Variants in ULBP2 observed in about 807,000 individuals in gnomAD.
ULBP2 encodes the protein UL16 binding protein 2.
ULBP2 carries 21 observed loss-of-function variants against 23.6 expected under a neutral mutation model. The ratio of observed to expected loss-of-function variants is 0.89; its 90% CI spans 0.63 to 1.28. The LOEUF is 1.28. Ranked by LOEUF, ULBP2 falls within the 50% of genes most tolerant of loss-of-function variation. ULBP2 has a pLI of 0.00. For synonymous variants in ULBP2, 82 were observed against 112.8 expected, an observed-to-expected ratio of 0.73 and a Z score of 1.73; for missense variants, 251 against 306.0, an observed-to-expected ratio of 0.82 and a Z score of 1.34.
rs137857292 is a variant in ULBP2 at position 149,943,918 on chromosome 6, G to A, written c.86-1391G>A. Among the ~76,000 whole-genome samples, 726 of 152,030 alleles carry A rather than the reference G, an allele frequency of 4.8e-3. 15 individuals are homozygous for A. Among genetic ancestry groups the A allele is most frequent in the African/African-American group, 0.016 (654 of 41,308 alleles). The stretch of plus-strand genomic sequence containing the variant: ...GGGCACTTAAGGTAGGTCCAGCCTC[G>A]CTCATCATGCATGGATTGTCTATGG... On this transcript the variant is annotated intron_variant, in intron 1 of 4. Coordinates refer to ENST00000367351, the MANE Select transcript of ULBP2 (RefSeq NM_025217.4).
Position 149,948,799 on chromosome 6 carries a change from G to A in ULBP2, c.*99G>A, listed in dbSNP as rs372119526. The A allele has an allele frequency of 1.6e-4, 71 of 456,540 alleles. No individual in the cohort carries two copies. The highest frequency in any genetic ancestry group is 1.0e-3 in the South Asian group (67 of 64,566). The allele number at this position is 456,540 out of a possible 1,614,324, so 28.3% of individuals were successfully genotyped here. A position where few individuals can be genotyped will look rare whatever the true frequency, so the allele number is the denominator to read the frequency against. The stretch of plus-strand genomic sequence containing the variant: ...CCCTTCTGTCTGGCCAGCTGCCCAC[G>A]ACCTACGGTGTATGTCCAGTGGCCT... On this transcript the variant is annotated 3_prime_UTR_variant, in exon 5 of 5. Coordinates refer to ENST00000367351, the MANE Select transcript of ULBP2 (RefSeq NM_025217.4).
In ULBP2 at chr6:149,946,628, C is replaced by T. The variant is rs1778946555; in HGVS notation, c.606C>T (p.Asp202=). 1.2e-6 allele frequency: 2 copies of T among 1,614,114 alleles called. No homozygotes were observed. Among genetic ancestry groups the T allele is most frequent in the African/African-American group, 1.3e-5 (1 of 75,006 alleles). The change falls in exon 3 of 5, where the codon GAC becomes GAT. Residue 202 remains aspartate (D), a synonymous_variant. Transcript: ENST00000367351. ...GWLEDFLMGM[D]STLEPSAGAP... is the part of the protein sequence containing the mutation. ...TTGAGGACTTCTTGATGGGCATGGA[C>T]AGCACCCTGGAGCCAAGTGCAGGAG...
Position 149,942,029 on chromosome 6 carries a change from T to C in ULBP2, c.-44T>C. ...CCTTGAGGTGATTCATCTTCCAGGC[T>C]CTCCTTCCATCAAGTCTCTCATCCC... is the stretch of plus-strand genomic sequence containing the variant. On this transcript the variant is annotated 5_prime_UTR_variant, in exon 1 of 5. Transcript: ENST00000367351. 6.3e-7 allele frequency: 1 copy of C among 1,590,898 alleles called. No individual in the cohort carries two copies. The highest frequency in any genetic ancestry group is 8.6e-7 in the Non-Finnish European group (1 of 1,167,240).
chr6:149,948,409 G>T (rs944345192), intron 4 of ULBP2, among the ~76,000 whole-genome samples: 1 of 152,146 alleles, frequency 6.6e-6, no homozygotes, highest in African/African-American at 2.4e-5. Context: ...CCCACCCCTT[G>T]CCTGTTTTAG....
At chr6:149,942,263 C>T in intron 1 of ULBP2, 106 bp downstream of exon 1, 1 of 1,208,146 alleles carries the variant, frequency 8.3e-7, no homozygotes, top group Non-Finnish European at 1.1e-6. Flanking sequence ...CGGGGGAGAT[C>T]TCCCCTAACT....
At chr6:149,945,814 G>A (rs1250332147) in intron 2 of ULBP2, among the ~76,000 whole-genome samples, 10 of 152,074 alleles carry the variant, frequency 6.6e-5, no homozygotes, top group Admixed American at 1.3e-4. Context: ...GGTGGCGCAT[G>A]CCTGTAATCC....
intron 1 of ULBP2, among the ~76,000 whole-genome samples, chr6:149,942,737 C>CGTCCT (rs1778882281): frequency 6.6e-6 from 1 of 152,140 alleles, no homozygotes; most frequent in African/African-American, 2.4e-5. Context: ...ACCCAGGTCA[C>CGTCCT]GTCCTCTTAC....
chr6:149,946,156 T>C (rs1255976425), intron 2 of ULBP2, among the ~76,000 whole-genome samples: 5 of 148,362 alleles, frequency 3.4e-5, no homozygotes, highest in African/African-American at 1.3e-4. Flanking sequence ...TGAGCCGAGA[T>C]CGCGCCACTG....
chr6:149,944,619 T>A (rs1778908083), intron 1 of ULBP2, among the ~76,000 whole-genome samples: 1 of 126,580 alleles, frequency 7.9e-6, no homozygotes, highest in Admixed American at 8.3e-5. Context: ...AGGTTTCCCA[T>A]AAGCACAGTG....
chr6:149,945,940 C>CAAAAAAAA (rs57354290), intron 2 of ULBP2, among the ~76,000 whole-genome samples: 1 of 72,732 alleles, frequency 1.4e-5, no homozygotes, highest in African/African-American at 6.0e-5. Flanking sequence ...GACTTTGTCT[C>CAAAAAAAA]AAAAAAAAAA....
At chr6:149,947,242 G>A (rs1234306093) in intron 3 of ULBP2, 78 bp from the exon 4 acceptor site, 8 of 1,563,318 alleles carry the variant, frequency 5.1e-6, no homozygotes, top group Non-Finnish European at 5.2e-6. Flanking sequence ...GGATGACCTA[G>A]GGTGGCAGGA....
intron 1 of ULBP2, among the ~76,000 whole-genome samples, chr6:149,942,424 G>A (rs1027540122): frequency 2.0e-5 from 3 of 152,274 alleles, no homozygotes; most frequent in Non-Finnish European, 4.4e-5. Flanking sequence ...AGCGAGGTGG[G>A]GCGGGGATCC....
chr6:149,943,235 T>C (rs1356110116), intron 1 of ULBP2, among the ~76,000 whole-genome samples: 2 of 150,730 alleles, frequency 1.3e-5, no homozygotes, highest in African/African-American at 5.0e-5. Flanking sequence ...AATGTCCCAG[T>C]GAATAGTGCC....
At chr6:149,942,286 A>G (rs1778875128) in intron 1 of ULBP2, 129 bp downstream of exon 1, 1 of 989,304 alleles carries the variant, frequency 1.0e-6, no homozygotes, top group Non-Finnish European at 1.4e-6. Context: ...GCCCCCGTTC[A>G]GTTCCGGTCG....
Position 149,946,588 on chromosome 6 carries a change from A to C in ULBP2, c.566A>C (p.Asp189Ala). 1 of 1,614,152 alleles carries C rather than the reference A, an allele frequency of 6.2e-7. No individual in the cohort carries two copies. Among genetic ancestry groups the C allele is most frequent in the South Asian group, 1.1e-5 (1 of 91,082 alleles). ...AMSFHYFSMG[D>A]CIGWLEDFLM... ...TCCTTCCATTACTTCTCAATGGGAG[A>C]CTGTATAGGATGGCTTGAGGACTTC... Residue 189 changes from aspartate to alanine, a missense_variant, in exon 3 of 5, where the codon GAC becomes GCC. By Grantham distance (126) the Asp-to-Ala change is moderately radical. Transcript: ENST00000367351.
intron 1 of ULBP2, among the ~76,000 whole-genome samples, chr6:149,942,677 A>G (rs1218084447): frequency 6.6e-6 from 1 of 152,014 alleles, no homozygotes; most frequent in African/African-American, 2.4e-5. Flanking sequence ...ACCTGCACCC[A>G]GGGGCTCAGC....
intron 4 of ULBP2, among the ~76,000 whole-genome samples, chr6:149,948,187 G>T (rs531855515): frequency 6.6e-6 from 1 of 152,318 alleles, no homozygotes; most frequent in South Asian, 2.1e-4. Flanking sequence ...CTCAGAGGAA[G>T]GGGGGTCTGA....
intron 4 of ULBP2, among the ~76,000 whole-genome samples, chr6:149,948,313 G>C (rs148727023): frequency 2.3e-3 from 351 of 152,314 alleles, no homozygotes; most frequent in African/African-American, 7.6e-3. Context: ...AGAGGCTCAA[G>C]AAGAAGGGGA....
intron 3 of ULBP2, 143 bp from the exon 4 acceptor site, chr6:149,947,177 C>G: frequency 1.3e-6 from 2 of 1,492,282 alleles, no homozygotes; most frequent in Non-Finnish European, 1.8e-6. Context: ...AAGCCAGGAC[C>G]TGTCATACTG....
Sources: allele counts gnomAD v4.1 joint callset (sites outside exome capture counted in the v4.1 genomes callset), GRCh38; gene constraint gnomAD v4.1.1; transcripts MANE v1.5; gene names NCBI Gene and HGNC (gene_info 2026-07-23, HGNC 2026-07-21).